FLVCR1: variants seen among roughly 807,000 people sequenced by gnomAD.
FLVCR1 encodes the protein FLVCR choline and heme transporter 1, also known as choline/ethanolamine transporter FLVCR1.
A neutral mutation model predicts 53.6 loss-of-function variants in FLVCR1; 34 were observed. The observed-to-expected ratio is 0.63, with a 90% CI of 0.48 to 0.84. The LOEUF (loss-of-function observed/expected upper bound fraction) is 0.84, where lower values mean the gene tolerates loss of function less well. FLVCR1 is among the 40% of genes least tolerant of loss of function. The pLI is 0.00. For synonymous variants in FLVCR1, 300 were observed against 286.3 expected, an observed-to-expected ratio of 1.05 and a Z score of -0.48; for missense variants, 677 against 696.7, an observed-to-expected ratio of 0.97 and a Z score of 0.32.
chr1:212,871,807 G>A (rs1664604765), intron 2 of FLVCR1, among the ~76,000 whole-genome samples: 1 of 152,158 alleles, frequency 6.6e-6, no homozygotes, highest in African/African-American at 2.4e-5. Context: ...TTGTCTGCCT[G>A]GGGTGGCTGT....
At chr1:212,888,032 T>C (rs769738745) in intron 6 of FLVCR1, 31 bp downstream of exon 6, 2 of 1,182,312 alleles carry the variant, frequency 1.7e-6, no homozygotes, top group South Asian at 1.2e-5. Context: ...GGAGGAATGA[T>C]AGCATGCTGT....
At chr1:212,889,396 A>G in intron 8 of FLVCR1, 139 bp downstream of exon 8, 2 of 671,324 alleles carry the variant, frequency 3.0e-6, no homozygotes, top group Non-Finnish European at 5.5e-6. Flanking sequence ...TCTTCTAAAG[A>G]CATGAATCTC....
chr1:212,876,368 A>G (rs1394936896), intron 3 of FLVCR1, among the ~76,000 whole-genome samples: 2 of 138,022 alleles, frequency 1.4e-5, no homozygotes, highest in Non-Finnish European at 3.1e-5. Context: ...ACATGATCTC[A>G]TTTCTTTTTT....
chr1:212,878,277 C>T (rs1027181075), intron 3 of FLVCR1, among the ~76,000 whole-genome samples: 2 of 151,976 alleles, frequency 1.3e-5, no homozygotes, highest in African/African-American at 2.4e-5. Flanking sequence ...CCGAGGCGGG[C>T]GGATCACGAG....
intron 5 of FLVCR1, 48 bp from the exon 6 acceptor site, chr1:212,887,843 C>T (rs751284910): frequency 5.1e-6 from 5 of 983,658 alleles, no homozygotes; most frequent in Non-Finnish European, 6.5e-6. Flanking sequence ...TTTTGTATTC[C>T]TAGGAGAATC....
rs759808934 is a variant in FLVCR1 at position 212,895,072 on chromosome 1, A to G, written c.1593+19A>G. On this transcript the variant is annotated intron_variant, in intron 9 of 9. Coordinates refer to ENST00000366971, the MANE Select transcript of FLVCR1 (RefSeq NM_014053.4). ...TAAAGCTGTAAGTAATATTTTTATG[A>G]TTATACTGTTGAGAAGTATGTATAG... 9 of 1,444,440 alleles carry G rather than the reference A, an allele frequency of 6.2e-6. 1 individual carries two copies. In the South Asian group the frequency reaches 1.0e-4, roughly 16 times the overall value. The allele number at this position is 1,444,440 out of a possible 1,614,324, so 89.5% of individuals were successfully genotyped here.
intron 2 of FLVCR1, among the ~76,000 whole-genome samples, chr1:212,868,865 A>T (rs186836701): frequency 1.2e-3 from 186 of 152,316 alleles, no homozygotes; most frequent in Middle Eastern, 3.4e-3. Context: ...CATATATTGT[A>T]TCATGTAATC....
intron 3 of FLVCR1, among the ~76,000 whole-genome samples, chr1:212,874,519 T>A (rs887953037): frequency 1.2e-4 from 9 of 77,076 alleles, no homozygotes; most frequent in African/African-American, 3.3e-4. Context: ...TTTAATTTTC[T>A]TTTTTTCTTT....
chr1:212,858,463 C>CA lies in FLVCR1; in HGVS notation c.12dup (p.Asp5ArgfsTer3). Reference sequence around the variant, plus strand: ...CGGGGAGCCTGGGATATGGCGCGGCCAGACGATGAGGAGGGGGCGGCGGTG... The same window carrying CA: ...CGGGGAGCCTGGGATATGGCGCGGCCAAGACGATGAGGAGGGGGCGGCGGTG... On this transcript the variant is annotated frameshift_variant, in exon 1 of 10. Coordinates refer to ENST00000366971, the MANE Select transcript of FLVCR1 (RefSeq NM_014053.4). LOFTEE classifies it high-confidence loss of function. 1 of 1,439,128 alleles carries CA rather than the reference C, an allele frequency of 6.9e-7. No homozygotes were observed. The highest frequency in any genetic ancestry group is 9.1e-7 in the Non-Finnish European group (1 of 1,101,700). The allele number at this position is 1,439,128 out of a possible 1,614,324, so 89.1% of individuals were successfully genotyped here. A position where few individuals can be genotyped will look rare whatever the true frequency, so the allele number is the denominator to read the frequency against.
chr1:212,877,299 T>C (rs143101077), intron 3 of FLVCR1, among the ~76,000 whole-genome samples: 1 of 152,016 alleles, frequency 6.6e-6, no homozygotes, highest in Non-Finnish European at 1.5e-5. Flanking sequence ...AATAGATGTT[T>C]ATATTATCTC....
rs1318724783 is a variant in FLVCR1 at position 212,895,931 on chromosome 1, AC to A, written c.*642del. The A allele has an allele frequency of 6.5e-6, 1 of 153,492 alleles. No individual in the cohort carries two copies. Among genetic ancestry groups the A allele is most frequent in the African/African-American group, 2.4e-5 (1 of 41,444 alleles). 9.5% of individuals were successfully genotyped at this position (153,492 alleles called of 1,614,324 possible). On this transcript the variant is annotated 3_prime_UTR_variant, in exon 10 of 10. Transcript: ENST00000366971. ...ACACATGCAGTCAATGGCTATAAAA[AC>A]TATTCTGTGTACAGATTCTACCCAG...
intron 5 of FLVCR1, chr1:212,885,615 A>G (rs1033080810): frequency 1.2e-5 from 5 of 425,306 alleles, no homozygotes; most frequent in Admixed American, 4.2e-5. Context: ...CAGTGGCGCA[A>G]TCTCGGCTCA....
chr1:212,878,425 C>T (rs1420149747), intron 3 of FLVCR1, among the ~76,000 whole-genome samples: 1 of 151,006 alleles, frequency 6.6e-6, no homozygotes, highest in East Asian at 2.0e-4. Flanking sequence ...TGGCGTGAAC[C>T]TGAGAGGTCC....
At chr1:212,874,660 C>G (rs1664705326) in intron 3 of FLVCR1, among the ~76,000 whole-genome samples, 1 of 151,326 alleles carries the variant, frequency 6.6e-6, no homozygotes, top group South Asian at 2.1e-4. Flanking sequence ...TCCCTAGTAG[C>G]TGAGATTACA....
chr1:212,863,829 A>G lies in FLVCR1; in HGVS notation c.843A>G (p.Thr281=), dbSNP rs758264167. 1 of 1,613,930 alleles carries G rather than the reference A, an allele frequency of 6.2e-7. No homozygotes were observed. Among genetic ancestry groups the G allele is most frequent in the South Asian group, 1.1e-5 (1 of 91,078 alleles). Residue 281 remains threonine, a synonymous_variant, in exon 2 of 10, where the codon ACA becomes ACG. Transcript: ENST00000366971. The part of the protein sequence containing the change: ...ACNISTMFYG[T]SAVATLLFIL... Reference sequence around the variant, plus strand: ...ATATCAGCACCATGTTTTATGGAACATCAGCTGTTGCCACACTTTTATTTA... The same window carrying G: ...ATATCAGCACCATGTTTTATGGAACGTCAGCTGTTGCCACACTTTTATTTA...
chr1:212,863,582 CA>C (rs3086478), intron 1 of FLVCR1, 142 bp from the exon 2 acceptor site: 27,887 of 591,676 alleles, frequency 0.047, no homozygotes, highest in Admixed American at 0.075. Context: ...GACTTTGTCT[CA>C]AAAAAAAAAA....
rs559931337 is a variant in FLVCR1, at chr1:212,872,430, A to G, written c.884-248A>G. 3.2e-4 allele frequency among the ~76,000 whole-genome samples: 49 copies of G among 152,346 alleles called. No individual in the cohort carries two copies. In the South Asian group the frequency reaches 6.0e-3, roughly 19 times the overall value. Reference sequence around the variant, plus strand: ...TTATTGATGGTTTTGCAGTTCACTTATATGAATTGGCCATATCTCTGAGTT... The same window carrying G: ...TTATTGATGGTTTTGCAGTTCACTTGTATGAATTGGCCATATCTCTGAGTT... On this transcript the variant is annotated intron_variant, in intron 2 of 9. Transcript: ENST00000366971.
At chr1:212,873,955 C>T (rs558255260) in intron 3 of FLVCR1, among the ~76,000 whole-genome samples, 1 of 152,292 alleles carries the variant, frequency 6.6e-6, no homozygotes, top group South Asian at 2.1e-4. Context: ...CCAGCTTCAA[C>T]AGTTATCAAT....
Position 212,858,285 on chromosome 1 carries a change from C to T in FLVCR1, c.-168C>T. On this transcript the variant is annotated 5_prime_UTR_variant, in exon 1 of 10. Coordinates refer to ENST00000366971, the MANE Select transcript of FLVCR1 (RefSeq NM_014053.4). ...GCGGCGCGGGGGAGGAGACCTTCATCTGTTCACGCGGTAGCGCGGATTGCG... is the reference window on the plus strand; with the variant it reads ...GCGGCGCGGGGGAGGAGACCTTCATTTGTTCACGCGGTAGCGCGGATTGCG... 3.0e-6 allele frequency: 2 copies of T among 655,970 alleles called. No individual in the cohort carries two copies. Among genetic ancestry groups the T allele is most frequent in the Non-Finnish European group, 4.8e-6 (2 of 414,776 alleles). 40.6% of individuals were successfully genotyped at this position (655,970 alleles called of 1,614,324 possible). A position where few individuals can be genotyped will look rare whatever the true frequency, so the allele number is the denominator to read the frequency against.
Sources: gnomAD v4.1 joint callset for allele counts (sites outside exome capture counted in the v4.1 genomes callset) on GRCh38, gnomAD v4.1.1 for gene constraint, MANE v1.5 for transcripts, NCBI Gene and HGNC (gene_info 2026-07-23, HGNC 2026-07-21) for gene names.